The following MBTD1 variants were observed in gnomAD, a reference collection of about 807,000 sequenced individuals.
MBTD1 encodes the protein MBT domain-containing protein 1.
MBTD1 carries 24 observed loss-of-function variants against 87.8 expected under a neutral mutation model. The observed-to-expected ratio is 0.27, with a 90% CI of 0.20 to 0.38. MBTD1 has a LOEUF of 0.38. MBTD1 is among the 10% of genes least tolerant of loss of function. The pLI is 1.00. For missense variants in MBTD1, 436 were observed against 760.2 expected (o/e 0.57, Z 5.02); for synonymous variants, 237 against 248.6 (o/e 0.95, Z 0.44).
chr17:51,217,794 A>G (rs966396858), intron 5 of MBTD1, among the ~76,000 whole-genome samples: 3 of 152,104 alleles, frequency 2.0e-5, no homozygotes, highest in African/African-American at 7.2e-5. Context: ...TTTTTAGTAG[A>G]GACGGGGTTT....
At chr17:51,192,437 T>C (rs951573694) in intron 15 of MBTD1, 157 bp from the exon 16 acceptor site, 13 of 642,772 alleles carry the variant, frequency 2.0e-5, no homozygotes, top group Middle Eastern at 4.3e-4. Context: ...TACAAAACCA[T>C]AGCCTCAACA....
chr17:51,251,972 C>T (rs1401034763), intron 2 of MBTD1, among the ~76,000 whole-genome samples: 1 of 152,160 alleles, frequency 6.6e-6, no homozygotes, highest in African/African-American at 2.4e-5. Context: ...GCCATGTTGG[C>T]CAGGCTGATC....
chr17:51,223,148 G>C (rs1429788364), intron 3 of MBTD1, among the ~76,000 whole-genome samples: 1 of 151,928 alleles, frequency 6.6e-6, no homozygotes, highest in Non-Finnish European at 1.5e-5. Flanking sequence ...AGGACCAACA[G>C]GGCAGAATTA....
intron 2 of MBTD1, chr17:51,256,675 G>A (rs1353080050): frequency 6.6e-6 from 1 of 152,148 alleles, no homozygotes; most frequent in African/African-American, 2.4e-5. Context: ...TAAAAATTGA[G>A]TTCTTCAATT....
chr17:51,186,939 A>AG (rs975006906), intron 16 of MBTD1, among the ~76,000 whole-genome samples: 4 of 152,158 alleles, frequency 2.6e-5, no homozygotes, highest in African/African-American at 9.7e-5. Flanking sequence ...ATAAGCCCAA[A>AG]CACTGGTGGA....
At chr17:51,194,501 G>A (rs918045693) in intron 13 of MBTD1, among the ~76,000 whole-genome samples, 14 of 149,266 alleles carry the variant, frequency 9.4e-5, no homozygotes, top group African/African-American at 3.3e-4. Flanking sequence ...CCTGGGAGGC[G>A]GAGGCTGTAA....
At chr17:51,242,984 T>C (rs182488792) in intron 2 of MBTD1, among the ~76,000 whole-genome samples, 1 of 152,350 alleles carries the variant, frequency 6.6e-6, no homozygotes, top group Admixed American at 6.5e-5. Context: ...ATCTCTCGTT[T>C]CAACATTTAG....
intron 14 of MBTD1, among the ~76,000 whole-genome samples, 200 bp downstream of exon 14, chr17:51,193,228 A>T (rs1350475792): frequency 1.3e-5 from 2 of 152,206 alleles, no homozygotes; most frequent in African/African-American, 4.8e-5. Flanking sequence ...TTTCCTTCAG[A>T]TTAAAAACGA....
chr17:51,260,739 C>G, upstream of MBTD1: 1 of 1,587,948 alleles, frequency 6.3e-7, no homozygotes, highest in Non-Finnish European at 8.6e-7. Flanking sequence ...AAACCGCCGG[C>G]CCGGCCGAGC....
At chr17:51,230,470 AG>A (rs1225119774) in intron 2 of MBTD1, among the ~76,000 whole-genome samples, 2 of 152,170 alleles carry the variant, frequency 1.3e-5, no homozygotes, top group Admixed American at 6.5e-5. Context: ...CATGGTTTTC[AG>A]GAAGACTGTA....
At chr17:51,260,849 C>G, upstream of MBTD1, 1 of 1,600,722 alleles carries the variant, frequency 6.2e-7, no homozygotes, top group Non-Finnish European at 8.5e-7. Context: ...GGCCGTGGAG[C>G]GGTGCTTGGA....
chr17:51,206,650 G>A (rs745851126), intron 7 of MBTD1, among the ~76,000 whole-genome samples: 7 of 152,076 alleles, frequency 4.6e-5, no homozygotes, highest in African/African-American at 9.7e-5. Flanking sequence ...TTTATGTATT[G>A]CTAAGGGTGC....
At chr17:51,189,019 A>G (rs916234973) in intron 16 of MBTD1, among the ~76,000 whole-genome samples, 1 of 152,076 alleles carries the variant, frequency 6.6e-6, no homozygotes, top group African/African-American at 2.4e-5. Flanking sequence ...CGGCCTCCCA[A>G]AGTGCTGGGA....
At chr17:51,246,269 A>G (rs539355423) in intron 2 of MBTD1, among the ~76,000 whole-genome samples, 8 of 152,314 alleles carry the variant, frequency 5.3e-5, no homozygotes, top group Middle Eastern at 6.8e-3. Flanking sequence ...TATAAAAAAA[A>G]TTTTGTGCAT....
intron 12 of MBTD1, among the ~76,000 whole-genome samples, chr17:51,196,963 C>G (rs947876002): frequency 8.1e-5 from 12 of 147,964 alleles, no homozygotes; most frequent in African/African-American, 3.0e-4. Flanking sequence ...CTCTATTCAC[C>G]CAGACACTCA....
chr17:51,238,329 G>A (rs912513557), intron 2 of MBTD1, among the ~76,000 whole-genome samples: 3 of 152,154 alleles, frequency 2.0e-5, no homozygotes, highest in African/African-American at 7.2e-5. Flanking sequence ...AAGCCCCTTC[G>A]AAAAACTTAG....
At chr17:51,217,294 A>T in intron 6 of MBTD1, 40 bp downstream of exon 6, 1 of 1,170,968 alleles carries the variant, frequency 8.5e-7, no homozygotes, top group Non-Finnish European at 1.2e-6. Flanking sequence ...TTAAACAATG[A>T]CTAAGTACTT....
At chr17:51,190,057 A>G (rs1453812214) in intron 16 of MBTD1, among the ~76,000 whole-genome samples, 1 of 152,218 alleles carries the variant, frequency 6.6e-6, no homozygotes, top group Admixed American at 6.5e-5. Context: ...TATTTTTCAA[A>G]GTACTACTAT....
intron 16 of MBTD1, among the ~76,000 whole-genome samples, chr17:51,181,993 T>C (rs912447353): frequency 1.3e-5 from 2 of 152,136 alleles, no homozygotes; most frequent in Non-Finnish European, 2.9e-5. Context: ...TGGTCTTTTG[T>C]GCTAACACAT....
Sources: gnomAD v4.1 joint callset for allele counts (sites outside exome capture counted in the v4.1 genomes callset) on GRCh38, gnomAD v4.1.1 for gene constraint, MANE v1.5 for transcripts, NCBI Gene and HGNC (gene_info 2026-07-23, HGNC 2026-07-21) for gene names.